Variants in PKD1 observed in about 807,000 individuals in gnomAD.
The protein encoded by PKD1 is polycystin 1, transient receptor potential channel interacting.
A neutral mutation model predicts 361.7 loss-of-function variants in PKD1; 81 were observed. That is an observed-to-expected ratio of 0.22 (90% CI 0.19 to 0.27). The LOEUF is 0.27. Among genes scored for constraint, PKD1 ranks in the 10% least tolerant of loss-of-function variants. The probability of loss-of-function intolerance (pLI) is 1.00; values close to 1 mark genes in which losing one functional copy is unlikely to be tolerated. For synonymous variants in PKD1, 3,615 were observed against 2,818.3 expected, an observed-to-expected ratio of 1.28 and a Z score of -8.95; for missense variants, 6,399 against 6,118.3, an observed-to-expected ratio of 1.05 and a Z score of -1.53.
At chr16:2,094,512 G>A (rs1567160251) in intron 34 of PKD1, among the ~76,000 whole-genome samples, 1 of 152,114 alleles carries the variant, frequency 6.6e-6, no homozygotes, top group African/African-American at 2.4e-5. Context: ...AGTCTCTCAG[G>A]GTGCAATGAG....
intron 30 of PKD1, chr16:2,098,207 T>C: frequency 1.7e-6 from 1 of 594,856 alleles, no homozygotes; most frequent in East Asian, 2.8e-5. Context: ...GAACAGAGTT[T>C]TAAATTTCAT....
Position 2,090,267 on chromosome 16 carries a change from C to CA in PKD1, c.12444+17_12444+18insT. On this transcript the variant is annotated intron_variant, in intron 45 of 45. Coordinates refer to ENST00000262304, the MANE Select transcript of PKD1 (RefSeq NM_001009944.3). Reference sequence around the variant, plus strand: ...AGCCCAGGGCGTGTCCCTCTCCCCCCCACTGGGCCGTACCCACCTCCTTGA... The same window carrying CA: ...AGCCCAGGGCGTGTCCCTCTCCCCCCACACTGGGCCGTACCCACCTCCTTGA... The CA allele has an allele frequency of 1.2e-6, 2 of 1,608,736 alleles. No individual in the cohort carries two copies. Among genetic ancestry groups the CA allele is most frequent in the Non-Finnish European group, 8.5e-7 (1 of 1,177,506 alleles).
Position 2,090,995 on chromosome 16 carries a change from G to T in PKD1, c.11892C>A (p.Thr3964=). The T allele has an allele frequency of 2.0e-6, 3 of 1,535,456 alleles. No individual in the cohort carries two copies. Among genetic ancestry groups the T allele is most frequent in the Non-Finnish European group, 2.6e-6 (3 of 1,146,546 alleles). Residue 3964 remains threonine (T), a synonymous_variant, in exon 43 of 46, where the codon ACC becomes ACA. Transcript: ENST00000262304. The part of the protein sequence containing the change: ...AQLGAADRQW[T]RFVRGRPRRF... The stretch of plus-strand genomic sequence containing the variant: ...GGCGCGGGCGGCCGCGCACGAAACG[G>T]GTCCACTGGCGGTCAGCGGCACCCA...
rs754076424 is a variant in PKD1 at position 2,105,431 on chromosome 16, C to T, written c.7907G>A (p.Arg2636Gln). The T allele has an allele frequency of 1.6e-5, 25 of 1,586,836 alleles. 1 individual carries two copies. The highest frequency in any genetic ancestry group is 1.1e-4 in the South Asian group (10 of 90,962). The change falls in exon 21 of 46, where the codon CGG becomes CAG. Residue 2636 changes from arginine to glutamine, a missense_variant. Physicochemically the swap from Arg to Gln is conservative, Grantham distance 43. Coordinates refer to ENST00000262304, the MANE Select transcript of PKD1 (RefSeq NM_001009944.3). ...LDVAAEPKHE[R>Q]QHRAQIRKNI... is the part of the protein sequence containing the mutation. ...CTTGCGTATCTGGGCTCGGTGCTGC[C>T]GCTCGTGCTTGGGCTCTGCCGCCAC...
chr16:2,118,550 C>T lies in PKD1; in HGVS notation c.530-88G>A. On this transcript the variant is annotated intron_variant, in intron 4 of 45. Transcript: ENST00000262304. The surrounding 1 kb of genome is among the most constrained non-coding windows in gnomAD (Gnocchi z 6.0). The stretch of plus-strand genomic sequence containing the variant: ...ATCCGCCCGCCGCACTCACAGGCTC[C>T]CATGCTGTTCCCTTGGCCCGGAGGC... 8.4e-7 allele frequency: 1 copy of T among 1,191,532 alleles called. No individual in the cohort carries two copies. The allele number at this position is 1,191,532 out of a possible 1,614,324, so 73.8% of individuals were successfully genotyped here. A position where few individuals can be genotyped will look rare whatever the true frequency, so the allele number is the denominator to read the frequency against.
In PKD1 at chr16:2,114,154, C is replaced by G. The variant is rs755828615; in HGVS notation, c.2853+16G>C. 2.5e-6 allele frequency: 4 copies of G among 1,600,298 alleles called. No homozygotes were observed. The highest frequency in any genetic ancestry group is 3.4e-6 in the Non-Finnish European group (4 of 1,178,398). On this transcript the variant is annotated intron_variant, in intron 11 of 45. Transcript: ENST00000262304. ...ACCTGCCTGGGGGCTGGTGGTGGAG[C>G]CTCGGCCATACTCACCACTAGGACT...
At chr16:2,097,276 G>A in intron 33 of PKD1, 35 bp from the exon 34 acceptor site, 2 of 1,607,400 alleles carry the variant, frequency 1.2e-6, no homozygotes, top group Non-Finnish European at 1.7e-6. Flanking sequence ...GGGCCCAGCT[G>A]CAAGGGTGAG....
In PKD1 at chr16:2,107,619, G is replaced by A. The variant is rs1042956313; in HGVS notation, c.7065+264C>T. The A allele has an allele frequency of 1.1e-5, 6 of 561,136 alleles. No individual in the cohort carries two copies. In the African/African-American group the frequency reaches 1.1e-4, roughly 11 times the overall value. 34.8% of individuals were successfully genotyped at this position (561,136 alleles called of 1,614,324 possible). On this transcript the variant is annotated intron_variant, in intron 16 of 45. Coordinates refer to ENST00000262304, the MANE Select transcript of PKD1 (RefSeq NM_001009944.3). ...CAGTGGCTACCTCTGGGGTGGGAAG[G>A]GGCTCTTCCTCACTGTTGGTATTGC...
Position 2,109,374 on chromosome 16 carries a change from G to T in PKD1, c.5793C>A (p.Leu1931=). 2 of 1,593,940 alleles carry T rather than the reference G, an allele frequency of 1.3e-6. No homozygotes were observed. Among genetic ancestry groups the T allele is most frequent in the Non-Finnish European group, 1.7e-6 (2 of 1,174,964 alleles). The change falls in exon 15 of 46, where the codon CTC becomes CTA. Residue 1931 remains leucine (L), a synonymous_variant. Transcript: ENST00000262304. ...LQVGGANPEV[L]PGPRFSHSFP... ...AGCTGTGGGAGAAACGGGGCCCGGG[G>T]AGCACCTCGGGGTTGGCCCCGCCGA...
chr16:2,094,162 C>G lies in PKD1; in HGVS notation c.10548G>C (p.Leu3516=). 6.2e-7 allele frequency: 1 copy of G among 1,604,398 alleles called. No individual in the cohort carries two copies. The highest frequency in any genetic ancestry group is 8.5e-7 in the Non-Finnish European group (1 of 1,175,626). The change falls in exon 35 of 46, where the codon CTG becomes CTC. Residue 3516 remains leucine (L), a synonymous_variant. Transcript: ENST00000262304. ...CTGGGCTGGGTGGCCCCAGCTCCCC[C>G]AGCCTCTGCAGCGCCAGCGTCTCTG... ...EKTETLALQR[L]GELGPPSPGL... is the part of the protein sequence containing the mutation.
chr16:2,105,182 G>C (rs2092294775), intron 21 of PKD1, 140 bp downstream of exon 21: 3 of 839,466 alleles, frequency 3.6e-6, no homozygotes, highest in South Asian at 3.1e-5. Context: ...AAGCAGGTCA[G>C]AGACCGAGGA....
chr16:2,106,141 C>T lies in PKD1; in HGVS notation c.7653G>A (p.Leu2551=), dbSNP rs1032161891. 13 of 1,606,754 alleles carry T rather than the reference C, an allele frequency of 8.1e-6. No individual in the cohort carries two copies. The African/African-American group carries it at 1.5e-4, about 18-fold the overall frequency. ...CCAGCTGGTCCTGCACCACCACGGC[C>T]AGGCCCACCTCGAAGTGTGGCCTGA... ...PGFRPHFEVG[L]AVVVQDQLGA... is the part of the protein sequence containing the mutation. The change falls in exon 19 of 46, where the codon CTG becomes CTA. Residue 2551 remains leucine (L), a synonymous_variant. Transcript: ENST00000262304. This position sits in a 1 kb window ranked among gnomAD's most constrained non-coding sequence, Gnocchi z 6.5.
Position 2,093,001 on chromosome 16 carries a change from G to A in PKD1, c.11109C>T (p.Ser3703=), listed in dbSNP as rs147894206. The change falls in exon 38 of 46, where the codon AGC becomes AGT. Residue 3703 remains serine, a synonymous_variant. Transcript: ENST00000262304. The part of the protein sequence containing the change: ...SCHGHAYRLQ[S]AIKQELHSRA... ...GGCTGTGCAGCTCCTGCTTGATGGC[G>A]CTTTGCAGACGGTAGGCGTGCCCAT... 1.7e-5 allele frequency: 28 copies of A among 1,612,898 alleles called. No homozygotes were observed. The highest frequency in any genetic ancestry group is 2.2e-5 in the Non-Finnish European group (26 of 1,180,006).
chr16:2,132,597 A>G (rs2092900100), intron 1 of PKD1, among the ~76,000 whole-genome samples: 2 of 150,270 alleles, frequency 1.3e-5, no homozygotes, highest in Admixed American at 1.3e-4. Context: ...AAAAAGAAAA[A>G]AAAAAAGACA....
intron 30 of PKD1, 53 bp downstream of exon 30, chr16:2,099,591 G>C: frequency 6.5e-7 from 1 of 1,534,324 alleles, no homozygotes; most frequent in Non-Finnish European, 8.8e-7. Context: ...TAGGCATGGT[G>C]CCGAGGCCCA....
intron 1 of PKD1, among the ~76,000 whole-genome samples, chr16:2,124,060 AG>A (rs2092762310): frequency 6.6e-6 from 1 of 152,182 alleles, no homozygotes; most frequent in Admixed American, 6.5e-5. Flanking sequence ...TGGGTGGAGA[AG>A]GAAGTCCCAG....
At chr16:2,132,386 A>C in intron 1 of PKD1, among the ~76,000 whole-genome samples, 1 of 151,690 alleles carries the variant, frequency 6.6e-6, no homozygotes, top group East Asian at 1.9e-4. Flanking sequence ...TGGCCAACAC[A>C]GTAAAACCCC....
chr16:2,132,371 C>T (rs977523184), intron 1 of PKD1, among the ~76,000 whole-genome samples: 3 of 151,634 alleles, frequency 2.0e-5, no homozygotes, highest in African/African-American at 7.3e-5. Flanking sequence ...AGATCGAGAC[C>T]ATCCTGGCCA....
At chr16:2,104,401 T>A in intron 22 of PKD1, 97 bp downstream of exon 22, 1 of 642,472 alleles carries the variant, frequency 1.6e-6, no homozygotes, top group East Asian at 3.4e-5. Context: ...GGGACGAAGA[T>A]GGGATGGGGC....
Sources: allele counts gnomAD v4.1 joint callset (sites outside exome capture counted in the v4.1 genomes callset), GRCh38; gene constraint gnomAD v4.1.1; non-coding constraint Gnocchi (gnomAD v3.1); transcripts MANE v1.5; gene names NCBI Gene and HGNC (gene_info 2026-07-23, HGNC 2026-07-21).